Variants in TP63 observed in about 807,000 individuals in gnomAD.
TP63 encodes tumor protein 63.
In TP63, 17 loss-of-function variants were observed where a neutral mutation model predicts 82.8. The observed-to-expected ratio is 0.21, with a 90% confidence interval of 0.14 to 0.31. The LOEUF (loss-of-function observed/expected upper bound fraction) is 0.31, where lower values mean the gene tolerates loss of function less well. TP63 is among the 10% of genes least tolerant of loss of function. The pLI, the probability that TP63 is intolerant of heterozygous loss-of-function variation, is 1.00. For missense variants in TP63, 648 were observed against 895.3 expected, an observed-to-expected ratio of 0.72 and a Z score of 3.52; for synonymous variants, 330 against 321.7, an observed-to-expected ratio of 1.03 and a Z score of -0.28.
intron 3 of TP63, among the ~76,000 whole-genome samples, chr3:189,755,882 G>A (rs962604770): frequency 3.3e-5 from 5 of 152,110 alleles, no homozygotes; most frequent in African/African-American, 1.2e-4. Context: ...CCACCAAATT[G>A]CAATAGTGTC....
intron 6 of TP63, 63 bp from the exon 7 acceptor site, chr3:189,867,770 C>T: frequency 6.9e-7 from 1 of 1,443,898 alleles, no homozygotes; most frequent in Non-Finnish European, 9.7e-7. Flanking sequence ...GAGGGAAGAA[C>T]TGAGAAGGAA....
chr3:189,711,569 C>T (rs1718599210), intron 1 of TP63, among the ~76,000 whole-genome samples: 1 of 152,054 alleles, frequency 6.6e-6, no homozygotes, highest in African/African-American at 2.4e-5. Flanking sequence ...TGGCTCCAGG[C>T]TTTAAAGAAG....
intron 7 of TP63, 126 bp from the exon 8 acceptor site, chr3:189,868,454 G>A: frequency 7.0e-7 from 1 of 1,423,184 alleles, no homozygotes; most frequent in Non-Finnish European, 9.6e-7. Flanking sequence ...CATTCTCAAA[G>A]CCGCCATGGC....
intron 4 of TP63, among the ~76,000 whole-genome samples, chr3:189,835,027 G>A (rs1183577617): frequency 6.6e-6 from 1 of 151,724 alleles, no homozygotes; most frequent in Non-Finnish European, 1.5e-5. Context: ...TGGATCGTCC[G>A]AGTCCTGTGA....
intron 13 of TP63, among the ~76,000 whole-genome samples, chr3:189,892,603 T>C (rs1305306711): frequency 6.6e-6 from 1 of 151,964 alleles, no homozygotes; most frequent in Admixed American, 6.6e-5. Context: ...CCATCCTGGC[T>C]AACACGGTGA....
chr3:189,757,815 T>C (rs1022184443), intron 3 of TP63, among the ~76,000 whole-genome samples: 7 of 152,098 alleles, frequency 4.6e-5, no homozygotes, highest in African/African-American at 9.7e-5. Flanking sequence ...ACTCAAATAA[T>C]ATTAATAATT....
At chr3:189,721,797 T>TACA (rs1719415096) in intron 1 of TP63, among the ~76,000 whole-genome samples, 1 of 152,220 alleles carries the variant, frequency 6.6e-6, no homozygotes, top group African/African-American at 2.4e-5. Context: ...CACCAAGCAT[T>TACA]ACAATCTCTT....
intron 1 of TP63, among the ~76,000 whole-genome samples, chr3:189,682,736 G>A (rs1210039381): frequency 6.6e-6 from 1 of 151,828 alleles, no homozygotes; most frequent in Non-Finnish European, 1.5e-5. Flanking sequence ...AAGTAATACA[G>A]GTATCACTCC....
At chr3:189,788,673 A>G (rs1724816548) in intron 3 of TP63, among the ~76,000 whole-genome samples, 1 of 152,040 alleles carries the variant, frequency 6.6e-6, no homozygotes, top group South Asian at 2.1e-4. Flanking sequence ...ATCAGATGAT[A>G]ACCATCAGGG....
the TP63 span, among the ~76,000 whole-genome samples, chr3:189,613,461 C>T: frequency 5.3e-5 from 8 of 152,204 alleles, no homozygotes; most frequent in African/African-American, 1.9e-4. Flanking sequence ...CCTGGATGCC[C>T]AGGAAGAAGT....
intron 1 of TP63, among the ~76,000 whole-genome samples, chr3:189,718,360 C>A (rs1719120833): frequency 6.6e-6 from 1 of 151,516 alleles, no homozygotes; most frequent in Admixed American, 6.6e-5. Flanking sequence ...CAGAGTTTCA[C>A]AAGACTGGGA....
At chr3:189,625,924 C>G in the TP63 span, among the ~76,000 whole-genome samples, 1 of 152,106 alleles carries the variant, frequency 6.6e-6, no homozygotes, top group African/African-American at 2.4e-5. Context: ...TCTTCCTGCC[C>G]CAATTGGCCT....
chr3:189,883,627 A>G (rs528545761), intron 10 of TP63, among the ~76,000 whole-genome samples: 1 of 152,312 alleles, frequency 6.6e-6, no homozygotes, highest in South Asian at 2.1e-4. Flanking sequence ...CAGGGCTGTT[A>G]CATGATCTCA....
intron 4 of TP63, among the ~76,000 whole-genome samples, chr3:189,852,915 C>G (rs1479988253): frequency 6.6e-6 from 1 of 152,170 alleles, no homozygotes; most frequent in Admixed American, 6.5e-5. Flanking sequence ...TGATGATATT[C>G]TGTCTTCATG....
rs34836784 is a variant in TP63, at chr3:189,806,040, CTTTTTTTTTT to C, written c.325-2214_325-2205del. On this transcript the variant is annotated intron_variant, in intron 3 of 13. Transcript: ENST00000264731. ...ACCCAATAAACAACAGAAGCAAACA[CTTTTTTTTTT>C]TTTTTTTTTTTTTTTTTGCCCCTTA... Among the ~76,000 whole-genome samples, 337 of 52,118 alleles carry C rather than the reference CTTTTTTTTTT, an allele frequency of 6.5e-3. 6 individuals are homozygous for C. In the South Asian group the frequency reaches 0.15, roughly 23 times the overall value. 34.2% of individuals were successfully genotyped at this position (52,118 alleles called of 152,430 possible).
rs1200912882 is a variant in TP63 at position 189,649,638 on chromosome 3, G to C, written c.62+18061G>C. ...CCCAAACTTAAAAGTTAAAAAGAAA[G>C]GAAAACAGTGCTATATTAACTGGGA... On this transcript the variant is annotated intron_variant, in intron 1 of 13. Transcript: ENST00000264731. Among the ~76,000 whole-genome samples the C allele has an allele frequency of 1.4e-5, 2 of 146,992 alleles. 1 individual carries two copies. The highest frequency in any genetic ancestry group is 3.0e-5 in the Non-Finnish European group (2 of 67,266).
intron 4 of TP63, among the ~76,000 whole-genome samples, chr3:189,828,842 A>G (rs768980748): frequency 9.2e-5 from 14 of 152,186 alleles, no homozygotes; most frequent in Non-Finnish European, 1.8e-4. Flanking sequence ...CCTTTTACTG[A>G]ATGAAAATAA....
At chr3:189,608,805 T>A in the TP63 span, among the ~76,000 whole-genome samples, 1 of 152,106 alleles carries the variant, frequency 6.6e-6, no homozygotes, top group Non-Finnish European at 1.5e-5. Flanking sequence ...TATTTTAATA[T>A]CTTTCCAAAG....
At chr3:189,760,966 T>C (rs999697645) in intron 3 of TP63, among the ~76,000 whole-genome samples, 4 of 152,302 alleles carry the variant, frequency 2.6e-5, no homozygotes, top group Non-Finnish European at 5.9e-5. Context: ...GTACAAGCTC[T>C]ACATTGCCCC....
Sources: gnomAD v4.1 joint callset for allele counts (sites outside exome capture counted in the v4.1 genomes callset) on GRCh38, gnomAD v4.1.1 for gene constraint, MANE v1.5 for transcripts, NCBI Gene and HGNC (gene_info 2026-07-23, HGNC 2026-07-21) for gene names.